Variants in PCDHGB5 observed in about 807,000 individuals in gnomAD.
PCDHGB5 encodes protocadherin gamma-B5.
Under a neutral mutation model 62.9 loss-of-function variants are expected in PCDHGB5, and 48 were observed. That is an observed-to-expected ratio of 0.76 (90% confidence interval 0.61 to 0.97). The LOEUF is 0.97. Ranked by LOEUF, PCDHGB5 falls within the 50% of genes least tolerant of loss-of-function variation. PCDHGB5 has a pLI of 0.00. For missense variants in PCDHGB5, 1,118 were observed against 1,198.6 expected (o/e 0.93, Z 0.99); for synonymous variants, 474 against 511.2 (o/e 0.93, Z 0.98).
At chr5:141,414,670 A>G in intron 1 of PCDHGB5, 1 of 1,613,894 alleles carries the variant, frequency 6.2e-7, no homozygotes. Context: ...GGCTGAAGAC[A>G]CCATCCAGGG....
At chr5:141,434,830 C>A (rs7703679) in intron 1 of PCDHGB5, among the ~76,000 whole-genome samples, 45,467 of 151,546 alleles carry the variant, frequency 0.3, 8,050 homozygotes, top group African/African-American at 0.5. Flanking sequence ...GTACACTTGG[C>A]ATTTATAAAG....
At chr5:141,401,226 C>T (rs960294428) in intron 1 of PCDHGB5, among the ~76,000 whole-genome samples, 1 of 152,102 alleles carries the variant, frequency 6.6e-6, no homozygotes, top group African/African-American at 2.4e-5. Context: ...CCTGTAATCC[C>T]AGCTACTCAG....
rs368800698 is a variant in PCDHGB5, at chr5:141,405,118, G to A, written c.2397+4594G>A. The A allele has an allele frequency of 1.1e-5, 18 of 1,613,946 alleles. No homozygotes were observed. The East Asian group carries it at 1.8e-4, about 16-fold the overall frequency. ...TCAGGCTGAGGCACTGGCACTCCTCGCATCTGCTGCGGGCTACCAGTGATG... is the reference window on the plus strand; with the variant it reads ...TCAGGCTGAGGCACTGGCACTCCTCACATCTGCTGCGGGCTACCAGTGATG... On this transcript the variant is annotated intron_variant, in intron 1 of 3. Transcript: ENST00000617380.
intron 1 of PCDHGB5, among the ~76,000 whole-genome samples, chr5:141,401,393 A>G (rs2094149748): frequency 6.6e-6 from 1 of 152,202 alleles, no homozygotes. Context: ...ACTACATGTT[A>G]TGTGTATGAG....
At chr5:141,422,328 T>C (rs1561800810) in intron 1 of PCDHGB5, 4 of 1,548,502 alleles carry the variant, frequency 2.6e-6, no homozygotes, top group Non-Finnish European at 2.6e-6. Flanking sequence ...GTACAGTGAT[T>C]GCTCTTCTAA....
intron 2 of PCDHGB5, among the ~76,000 whole-genome samples, chr5:141,502,625 T>G (rs2099815384): frequency 6.6e-6 from 1 of 152,210 alleles, no homozygotes; most frequent in Admixed American, 6.5e-5. Context: ...ATAAGTAATC[T>G]GTGGATGATA....
chr5:141,503,343 T>C (rs558650835), intron 2 of PCDHGB5, among the ~76,000 whole-genome samples: 87 of 152,106 alleles, frequency 5.7e-4, no homozygotes, highest in South Asian at 1.2e-3. Flanking sequence ...ACGCCTGTAA[T>C]TCCAGCACTT....
At chr5:141,404,108 A>G (rs537875169) in intron 1 of PCDHGB5, 22 of 1,613,436 alleles carry the variant, frequency 1.4e-5, no homozygotes, top group South Asian at 6.6e-5. Context: ...TGTCTGTTCT[A>G]TCCAGGAGAA....
At chr5:141,488,991 T>G in intron 1 of PCDHGB5, 1 of 414,332 alleles carries the variant, frequency 2.4e-6, no homozygotes, top group Non-Finnish European at 4.3e-6. Flanking sequence ...AGAGCTGAGG[T>G]GGGAGATCTG....
At chr5:141,419,146 G>A in intron 1 of PCDHGB5, 1 of 1,613,922 alleles carries the variant, frequency 6.2e-7, no homozygotes, top group Non-Finnish European at 8.5e-7. Context: ...ACAGGGGCAA[G>A]CCTCCGTTAT....
chr5:141,491,956 A>G lies in PCDHGB5; in HGVS notation c.2398-2851A>G, dbSNP rs2099735623. 1.9e-6 allele frequency: 2 copies of G among 1,035,704 alleles called. No homozygotes were observed. Among genetic ancestry groups the G allele is most frequent in the Non-Finnish European group, 2.7e-6 (2 of 749,368 alleles). The allele number at this position is 1,035,704 out of a possible 1,614,324, so 64.2% of individuals were successfully genotyped here. A position where few individuals can be genotyped will look rare whatever the true frequency, so the allele number is the denominator to read the frequency against. On this transcript the variant is annotated intron_variant, in intron 1 of 3. Transcript: ENST00000617380. This position sits in a 1 kb window ranked among gnomAD's most constrained non-coding sequence, Gnocchi z 6.9. Reference sequence around the variant, plus strand: ...GGACCGACCCCCACCCCTACACTCAAAAAAGGCCGGGGCCTCCTTCGAGCT... The same window carrying G: ...GGACCGACCCCCACCCCTACACTCAGAAAAGGCCGGGGCCTCCTTCGAGCT...
Position 141,431,592 on chromosome 5 carries a change from G to A in PCDHGB5, c.2397+31068G>A, listed in dbSNP as rs1429358254. 2.5e-6 allele frequency: 4 copies of A among 1,614,100 alleles called. No individual in the cohort carries two copies. The Admixed American group carries it at 6.7e-5, about 27-fold the overall frequency. The stretch of plus-strand genomic sequence containing the variant: ...GACGAAGGAGTCAATGCGGAAGTGA[G>A]GTATTCCTTCCGGTATGTGGACGAC... On this transcript the variant is annotated intron_variant, in intron 1 of 3. Transcript: ENST00000617380. The surrounding 1 kb of genome is among the most constrained non-coding windows in gnomAD (Gnocchi z 4.8).
chr5:141,421,231 G>T (rs1368484504), intron 1 of PCDHGB5: 1 of 1,590,694 alleles, frequency 6.3e-7, no homozygotes, highest in South Asian at 1.1e-5. Context: ...GCCTGCCATG[G>T]CGAATCGGCT....
Position 141,403,985 on chromosome 5 carries a change from C to T in PCDHGB5, c.2397+3461C>T, listed in dbSNP as rs765326042. The T allele has an allele frequency of 5.7e-5, 92 of 1,613,546 alleles. No individual in the cohort carries two copies. The Admixed American group carries it at 7.2e-4, about 13-fold the overall frequency. On this transcript the variant is annotated intron_variant, in intron 1 of 3. Coordinates refer to ENST00000617380, the MANE Select transcript of PCDHGB5 (RefSeq NM_018925.3). ...GGTGGAAGATGTAAATGACAATAGA[C>T]CTGAAGTGACCATTACATCTCTGTT...
At chr5:141,465,826 T>A (rs1402342209) in intron 1 of PCDHGB5, among the ~76,000 whole-genome samples, 1 of 151,994 alleles carries the variant, frequency 6.6e-6, no homozygotes, top group Non-Finnish European at 1.5e-5. Context: ...CACATTTGTT[T>A]AAAATTTCAA....
chr5:141,428,632 G>A (rs574049916), intron 1 of PCDHGB5: 35 of 182,522 alleles, frequency 1.9e-4, no homozygotes, highest in African/African-American at 7.6e-4. Context: ...CTCTAACTCT[G>A]TTGCTCCTAC....
At chr5:141,423,022 T>C in intron 1 of PCDHGB5, 1 of 1,614,194 alleles carries the variant, frequency 6.2e-7, no homozygotes, top group Non-Finnish European at 8.5e-7. Flanking sequence ...GGACAAAGAT[T>C]CAGGCCAGAA....
At position 141,423,482 on chromosome 5, in the gene PCDHGB5, A is replaced by T. The variant is rs553914622; in HGVS notation, c.2397+22958A>T. On this transcript the variant is annotated intron_variant, in intron 1 of 3. Transcript: ENST00000617380. ...GTGGACGGGGTACAGGCTTTCCTGC[A>T]AACCTATTCCCACGAGGTCTCTCTC... is the stretch of plus-strand genomic sequence containing the variant. 1.1e-5 allele frequency: 17 copies of T among 1,613,968 alleles called. No homozygotes were observed. The African/African-American group carries it at 2.3e-4, about 22-fold the overall frequency.
intron 1 of PCDHGB5, chr5:141,421,916 G>A (rs754653877): frequency 2.5e-6 from 4 of 1,613,646 alleles, no homozygotes; most frequent in Non-Finnish European, 2.5e-6. Flanking sequence ...GTTCCCATTC[G>A]TGTGGTGGTC....
Sources: gnomAD v4.1 joint callset for allele counts (sites outside exome capture counted in the v4.1 genomes callset) on GRCh38, gnomAD v4.1.1 for gene constraint, Gnocchi (gnomAD v3.1) non-coding constraint, MANE v1.5 for transcripts, NCBI Gene and HGNC (gene_info 2026-07-23, HGNC 2026-07-21) for gene names.